Variants in PLXDC2 observed in about 807,000 individuals in gnomAD.
The protein encoded by PLXDC2 is plexin domain containing 2, also known as plexin domain-containing protein 2.
Under a neutral mutation model 68.9 loss-of-function variants are expected in PLXDC2, and 40 were observed. The observed-to-expected ratio is 0.58, with a 90% CI of 0.45 to 0.76. The LOEUF (loss-of-function observed/expected upper bound fraction) is 0.76. Ranked by LOEUF, PLXDC2 falls within the 30% of genes least tolerant of loss-of-function variation. The pLI is 0.00. For missense variants in PLXDC2, 644 were observed against 661.9 expected (o/e 0.97, Z 0.30); for synonymous variants, 243 against 234.2 (o/e 1.04, Z -0.34).
chr10:20,182,601 C>G (rs1036530358), intron 9 of PLXDC2, among the ~76,000 whole-genome samples: 6 of 151,740 alleles, frequency 4.0e-5, no homozygotes, highest in African/African-American at 1.5e-4. Flanking sequence ...TTTCATTTCT[C>G]TGGGTTGGGT....
At chr10:19,819,133 G>A (rs1836415041) in intron 1 of PLXDC2, among the ~76,000 whole-genome samples, 1 of 151,750 alleles carries the variant, frequency 6.6e-6, no homozygotes, top group Non-Finnish European at 1.5e-5. Context: ...AGTAAGATTG[G>A]CCATATAATT....
intron 5 of PLXDC2, among the ~76,000 whole-genome samples, chr10:20,146,488 T>TTCTTTTTCCTTCCTTCC (rs1554769785): frequency 1.2e-5 from 1 of 81,338 alleles, no homozygotes; most frequent in Non-Finnish European, 2.4e-5. Context: ...TTCTTTTCTT[T>TTCTTTTTCCTTCCTTCC]TTCCTTCCTT....
intron 3 of PLXDC2, among the ~76,000 whole-genome samples, chr10:20,065,366 C>G (rs1836187427): frequency 6.6e-6 from 1 of 151,998 alleles, no homozygotes. Flanking sequence ...GTGTGACTCT[C>G]AGTGAAAATG....
rs143973578 is a variant in PLXDC2 at position 20,061,445 on chromosome 10, G to A, written c.472-6725G>A. Among the ~76,000 whole-genome samples the A allele has an allele frequency of 7.4e-4, 113 of 152,080 alleles. 1 individual carries two copies. Among genetic ancestry groups the A allele is most frequent in the Non-Finnish European group, 1.3e-3 (90 of 67,998 alleles). ...TGGGGATGATATTTTGTCCTTCCTC[G>A]TGCATCATATCATGAGGTACATGAT... is the stretch of plus-strand genomic sequence containing the variant. On this transcript the variant is annotated intron_variant, in intron 3 of 13. Transcript: ENST00000377252.
rs376939428 is a variant in PLXDC2 at position 19,886,082 on chromosome 10, G to T, written c.112+68891G>T. On this transcript the variant is annotated intron_variant, in intron 1 of 13. Coordinates refer to ENST00000377252, the MANE Select transcript of PLXDC2 (RefSeq NM_032812.9). ...AGAGGTCCTTCACATCCCTTGTAAG[G>T]TGGATTCCTAGGTATTTTATTCTCT... is the stretch of plus-strand genomic sequence containing the variant. 3.9e-4 allele frequency among the ~76,000 whole-genome samples: 59 copies of T among 152,072 alleles called. No homozygotes were observed. In the East Asian group the frequency reaches 6.2e-3, roughly 16 times the overall value.
At chr10:19,931,631 T>C (rs1833635933) in intron 1 of PLXDC2, among the ~76,000 whole-genome samples, 1 of 152,188 alleles carries the variant, frequency 6.6e-6, no homozygotes, top group Admixed American at 6.5e-5. Flanking sequence ...TGGGGTGAGA[T>C]ATATTTTCAG....
At chr10:20,058,695 A>T (rs943356146) in intron 3 of PLXDC2, among the ~76,000 whole-genome samples, 1 of 152,222 alleles carries the variant, frequency 6.6e-6, no homozygotes, top group African/African-American at 2.4e-5. Flanking sequence ...TGAACGATAA[A>T]CACAAAATAT....
chr10:19,933,569 G>T lies in PLXDC2; in HGVS notation c.113-68206G>T, dbSNP rs911177972. 2.0e-5 allele frequency among the ~76,000 whole-genome samples: 3 copies of T among 151,958 alleles called. No individual in the cohort carries two copies. In the East Asian group the frequency reaches 5.8e-4, roughly 29 times the overall value. Reference sequence around the variant, plus strand: ...AATTGCTTGAACCCTGGAGGTAGAGGTTGCAGTGAGCCGAGATTGAGCCAC... The same window carrying T: ...AATTGCTTGAACCCTGGAGGTAGAGTTTGCAGTGAGCCGAGATTGAGCCAC... On this transcript the variant is annotated intron_variant, in intron 1 of 13. Coordinates refer to ENST00000377252, the MANE Select transcript of PLXDC2 (RefSeq NM_032812.9).
intron 1 of PLXDC2, among the ~76,000 whole-genome samples, chr10:19,921,112 CTT>C (rs57207021): frequency 6.3e-4 from 87 of 137,516 alleles, no homozygotes; most frequent in Admixed American, 1.1e-3. Flanking sequence ...TTTTCTTCTT[CTT>C]TTTTTTTTTT....
At chr10:19,919,473 A>G (rs1158555657) in intron 1 of PLXDC2, among the ~76,000 whole-genome samples, 1 of 152,252 alleles carries the variant, frequency 6.6e-6, no homozygotes, top group Non-Finnish European at 1.5e-5. Context: ...GAGATGGCTA[A>G]TAACAGTGAC....
chr10:19,868,656 A>G (rs888405224), intron 1 of PLXDC2, among the ~76,000 whole-genome samples: 3 of 152,224 alleles, frequency 2.0e-5, no homozygotes, highest in African/African-American at 4.8e-5. Flanking sequence ...AGAGACCACT[A>G]CTAGTGTATA....
At chr10:20,030,138 T>A (rs1024207080) in intron 2 of PLXDC2, among the ~76,000 whole-genome samples, 2 of 152,104 alleles carry the variant, frequency 1.3e-5, no homozygotes, top group Non-Finnish European at 2.9e-5. Flanking sequence ...CAGCATCTCT[T>A]TGGGGCAGAG....
At chr10:20,126,190 CAT>C (rs1833773271) in intron 4 of PLXDC2, among the ~76,000 whole-genome samples, 1 of 144,382 alleles carries the variant, frequency 6.9e-6, no homozygotes, top group South Asian at 2.2e-4. Flanking sequence ...TTATATAATA[CAT>C]ATATGTATAC....
chr10:19,857,442 T>G (rs1173796347), intron 1 of PLXDC2, among the ~76,000 whole-genome samples: 3 of 152,194 alleles, frequency 2.0e-5, no homozygotes. Flanking sequence ...CAGATAGAAA[T>G]GAATCATTTA....
chr10:19,973,588 A>G (rs1311677365), intron 1 of PLXDC2, among the ~76,000 whole-genome samples: 4 of 152,158 alleles, frequency 2.6e-5, no homozygotes, highest in Non-Finnish European at 5.9e-5. Context: ...GGTAGACCCT[A>G]CAGAATCAAA....
At chr10:19,830,627 G>A (rs575546525) in intron 1 of PLXDC2, among the ~76,000 whole-genome samples, 1 of 152,210 alleles carries the variant, frequency 6.6e-6, no homozygotes, top group East Asian at 1.9e-4. Context: ...TTTTAATAGT[G>A]GCATATTTCC....
intron 1 of PLXDC2, among the ~76,000 whole-genome samples, chr10:19,992,948 C>T (rs949479694): frequency 4.6e-5 from 7 of 152,104 alleles, no homozygotes; most frequent in East Asian, 3.8e-4. Context: ...ATCCTCTGAA[C>T]GATTAATCAG....
rs1241975006 is a variant in PLXDC2 at position 19,925,254 on chromosome 10, G to A, written c.113-76521G>A. ...GGCATGGAGAGCCTGCATGGCCTCT[G>A]CACACCAGTGAATTTATCACCTGGC... On this transcript the variant is annotated intron_variant, in intron 1 of 13. Transcript: ENST00000377252. 2.6e-5 allele frequency among the ~76,000 whole-genome samples: 4 copies of A among 152,278 alleles called. No individual in the cohort carries two copies. The East Asian group carries it at 7.7e-4, about 29-fold the overall frequency.
intron 1 of PLXDC2, among the ~76,000 whole-genome samples, chr10:19,933,882 A>T (rs1314769050): frequency 6.6e-6 from 1 of 151,082 alleles, no homozygotes; most frequent in Non-Finnish European, 1.5e-5. Flanking sequence ...GAGGGAGGGA[A>T]AAAAGGAAGG....
Sources: gnomAD v4.1 joint callset for allele counts (sites outside exome capture counted in the v4.1 genomes callset) on GRCh38, gnomAD v4.1.1 for gene constraint, MANE v1.5 for transcripts, NCBI Gene and HGNC (gene_info 2026-07-23, HGNC 2026-07-21) for gene names.